Variants in LAMA3 observed in about 807,000 individuals in gnomAD.
The protein encoded by LAMA3 is laminin subunit alpha 3, also known as laminin subunit alpha-3.
In LAMA3, 281 loss-of-function variants were observed where a neutral mutation model predicts 402.0. The observed-to-expected ratio is 0.70, with a 90% CI of 0.63 to 0.77. LAMA3 has a LOEUF of 0.77. Among genes scored for constraint, LAMA3 ranks in the 30% least tolerant of loss-of-function variants. LAMA3 has a pLI of 0.00. For synonymous variants in LAMA3, 1,431 were observed against 1,558.4 expected (o/e 0.92, Z 1.93); for missense variants, 3,840 against 4,215.5 (o/e 0.91, Z 2.47).
At chr18:23,876,271 TA>T (rs766825709) in intron 38 of LAMA3, 22 bp from the exon 39 acceptor site, 5 of 1,483,374 alleles carry the variant, frequency 3.4e-6, no homozygotes, top group Non-Finnish European at 4.7e-6. Context: ...TTGTATTGAT[TA>T]AACACTTTGT....
chr18:23,715,014 A>C (rs1419405675), intron 2 of LAMA3, among the ~76,000 whole-genome samples: 2 of 152,174 alleles, frequency 1.3e-5, no homozygotes, highest in Non-Finnish European at 2.9e-5. Context: ...GAAATAAAAG[A>C]CTATCTTATA....
chr18:23,920,311 A>T (rs2081787071), intron 60 of LAMA3, among the ~76,000 whole-genome samples: 1 of 152,168 alleles, frequency 6.6e-6, no homozygotes, highest in African/African-American at 2.4e-5. Context: ...CAACAAGGGA[A>T]TCACGTGTGC....
Position 23,753,745 on chromosome 18 carries a change from A to G in LAMA3, c.880A>G (p.Ser294Gly), listed in dbSNP as rs779891910. The G allele has an allele frequency of 1.9e-6, 3 of 1,613,898 alleles. No individual in the cohort carries two copies. Among genetic ancestry groups the G allele is most frequent in the East Asian group, 4.5e-5 (2 of 44,894 alleles). Reference protein sequence around the residue: ...RRYYYSIKDISIGGQCVCNGH... With the variant: ...RRYYYSIKDIGIGGQCVCNGH... ...GTATTATTACAGCATAAAGGACATC[A>G]GCATTGGTGGGCAGTGTGTTTGCAA... is the stretch of plus-strand genomic sequence containing the variant. The change falls in exon 6 of 75, where the codon AGC becomes GGC. Residue 294 changes from serine (S) to glycine (G), a missense_variant. Transcript: ENST00000313654.
At chr18:23,820,054 C>G in intron 19 of LAMA3, 57 bp downstream of exon 19, 2 of 1,566,486 alleles carry the variant, frequency 1.3e-6, no homozygotes, top group Non-Finnish European at 1.8e-6. Context: ...CTTCCCCACA[C>G]CAGTCTCAGG....
At chr18:23,732,590 G>T (rs542107418) in intron 2 of LAMA3, among the ~76,000 whole-genome samples, 1 of 152,062 alleles carries the variant, frequency 6.6e-6, no homozygotes, top group Admixed American at 6.5e-5. Context: ...GACCTGCAGG[G>T]TGCGCAGGTT....
chr18:23,911,192 G>T (rs1270405505), intron 55 of LAMA3, among the ~76,000 whole-genome samples: 1 of 152,262 alleles, frequency 6.6e-6, no homozygotes, highest in East Asian at 1.9e-4. Flanking sequence ...AGGGCAGGGG[G>T]TGAGTAGGAG....
intron 12 of LAMA3, among the ~76,000 whole-genome samples, chr18:23,791,719 G>A (rs1285448658): frequency 8.4e-6 from 1 of 119,758 alleles, no homozygotes; most frequent in East Asian, 2.6e-4. Flanking sequence ...GAACATCACA[G>A]ACTGAGAATT....
At chr18:23,940,298 A>G (rs2082454609) in intron 68 of LAMA3, among the ~76,000 whole-genome samples, 3 of 152,184 alleles carry the variant, frequency 2.0e-5, no homozygotes. Context: ...AGTCTCAGCC[A>G]GGTGCCTGCA....
chr18:23,778,413 A>C (rs1367170135), intron 11 of LAMA3, among the ~76,000 whole-genome samples: 2 of 152,190 alleles, frequency 1.3e-5, no homozygotes. Flanking sequence ...GAAAATAGCT[A>C]ATTCATTAGA....
intron 37 of LAMA3, 90 bp from the exon 38 acceptor site, chr18:23,871,341 T>C: frequency 2.0e-6 from 2 of 995,560 alleles, no homozygotes; most frequent in Non-Finnish European, 3.2e-6. Flanking sequence ...AAGTGTCTTG[T>C]TTTTGATTCA....
intron 60 of LAMA3, among the ~76,000 whole-genome samples, chr18:23,920,300 AC>A: frequency 6.6e-6 from 1 of 152,326 alleles, no homozygotes; most frequent in East Asian, 1.9e-4. Context: ...CAAAGCAATA[AC>A]AACAAGGGAA....
chr18:23,901,228 A>C lies in LAMA3; in HGVS notation c.6106A>C (p.Ser2036Arg). ...DSLNEYEAKL[S>R]DLRARLQEAA... The stretch of plus-strand genomic sequence containing the variant: ...TTTAAATGAATACGAAGCCAAACTC[A>C]GTGACCTTCGTGCTCGGCTGCAGGA... Residue 2036 changes from serine (S) to arginine (R), a missense_variant, in exon 48 of 75, where the codon AGT (serine) becomes CGT (arginine). Coordinates refer to ENST00000313654, the MANE Select transcript of LAMA3 (RefSeq NM_198129.4). 1 of 1,614,162 alleles carries C rather than the reference A, an allele frequency of 6.2e-7. No individual in the cohort carries two copies. The highest frequency in any genetic ancestry group is 1.1e-5 in the South Asian group (1 of 91,082).
At chr18:23,920,323 G>T (rs1325634533) in intron 60 of LAMA3, among the ~76,000 whole-genome samples, 1 of 152,194 alleles carries the variant, frequency 6.6e-6, no homozygotes, top group East Asian at 1.9e-4. Context: ...CACGTGTGCA[G>T]ACTTGGCCCT....
intron 32 of LAMA3, among the ~76,000 whole-genome samples, chr18:23,854,424 G>A (rs561702045): frequency 7.2e-5 from 11 of 151,942 alleles, no homozygotes; most frequent in African/African-American, 1.7e-4. Flanking sequence ...GGTGGATAAC[G>A]AGGTCAGGAG....
intron 41 of LAMA3, among the ~76,000 whole-genome samples, chr18:23,885,418 A>T (rs1004455447): frequency 5.6e-5 from 8 of 143,712 alleles, no homozygotes; most frequent in African/African-American, 1.8e-4. Flanking sequence ...TGTCTTGTTT[A>T]TTTCGGAATC....
At chr18:23,698,146 G>A (rs2060717972) in intron 1 of LAMA3, among the ~76,000 whole-genome samples, 1 of 145,422 alleles carries the variant, frequency 6.9e-6, no homozygotes, top group Non-Finnish European at 1.5e-5. Flanking sequence ...GAGGGGGTGG[G>A]TGGGGTGGTG....
chr18:23,902,167 T>A lies in LAMA3; in HGVS notation c.6202-842T>A, dbSNP rs140359686. 4.5e-3 allele frequency among the ~76,000 whole-genome samples: 692 copies of A among 152,162 alleles called. 8 individuals are homozygous for A. Among genetic ancestry groups the A allele is most frequent in the African/African-American group, 0.015 (639 of 41,514 alleles). ...GTGAGACCCTGTCTCTACAAAAATTTTTTTAAAAATTAGCTGGTCATAGTG... is the reference window on the plus strand; with the variant it reads ...GTGAGACCCTGTCTCTACAAAAATTATTTTAAAAATTAGCTGGTCATAGTG... On this transcript the variant is annotated intron_variant, in intron 48 of 74. Transcript: ENST00000313654.
In LAMA3 at chr18:23,714,039, C is replaced by T; in HGVS notation, c.414C>T (p.Tyr138=). 6.2e-7 allele frequency: 1 copy of T among 1,613,838 alleles called. No individual in the cohort carries two copies. The highest frequency in any genetic ancestry group is 1.1e-5 in the South Asian group (1 of 91,070). ...CTCCCCTGTCCTCAGGCACACAGTA[C>T]AACAGAGTCAACCTCACCTTGGATC... ...QSPPLSSGTQ[Y]NRVNLTLDLG... is the part of the protein sequence containing the mutation. The change falls in exon 2 of 75, where the codon TAC becomes TAT. Residue 138 remains tyrosine, a synonymous_variant. Transcript: ENST00000313654.
intron 29 of LAMA3, 110 bp downstream of exon 29, chr18:23,842,860 T>A: frequency 7.1e-7 from 1 of 1,401,568 alleles, no homozygotes; most frequent in East Asian, 2.3e-5. Context: ...GAAGTCATAT[T>A]TGTAGAAAAA....
Sources: allele counts gnomAD v4.1 joint callset (sites outside exome capture counted in the v4.1 genomes callset), GRCh38; gene constraint gnomAD v4.1.1; transcripts MANE v1.5; gene names NCBI Gene and HGNC (gene_info 2026-07-23, HGNC 2026-07-21).